Variants in MRPL48 observed in about 807,000 individuals in gnomAD.
MRPL48 encodes mitochondrial ribosomal protein L48.
Under a neutral mutation model 32.9 loss-of-function variants are expected in MRPL48, and 16 were observed. The ratio of observed to expected loss-of-function variants is 0.49; its 90% CI spans 0.33 to 0.74. The LOEUF (loss-of-function observed/expected upper bound fraction) is 0.74. MRPL48 is among the 30% of genes least tolerant of loss of function. The pLI is 0.02. For synonymous variants in MRPL48, 94 were observed against 89.2 expected (o/e 1.05, Z -0.31); for missense variants, 206 against 245.3 (o/e 0.84, Z 1.07).
chr11:73,817,292 A>G (rs940799064), intron 3 of MRPL48, among the ~76,000 whole-genome samples: 2 of 152,194 alleles, frequency 1.3e-5, no homozygotes, highest in African/African-American at 2.4e-5. Flanking sequence ...AGATTTTGCA[A>G]TGGAAACAAC....
chr11:73,830,764 C>G (rs1426043572), intron 4 of MRPL48, among the ~76,000 whole-genome samples: 1 of 151,882 alleles, frequency 6.6e-6, no homozygotes, highest in Non-Finnish European at 1.5e-5. Flanking sequence ...CACACTCAGT[C>G]TTATGACTTA....
intron 2 of MRPL48, among the ~76,000 whole-genome samples, chr11:73,807,567 A>G (rs1043638927): frequency 6.6e-6 from 1 of 152,098 alleles, no homozygotes; most frequent in African/African-American, 2.4e-5. Context: ...TCATTTTGCA[A>G]AAGAGGAAAC....
intron 4 of MRPL48, among the ~76,000 whole-genome samples, chr11:73,838,311 T>C (rs1183908917): frequency 1.3e-5 from 2 of 152,222 alleles, no homozygotes; most frequent in Non-Finnish European, 2.9e-5. Context: ...CTGGCTATGC[T>C]GTGCCCTGGC....
chr11:73,811,763 C>T (rs1000948574), intron 3 of MRPL48, among the ~76,000 whole-genome samples: 2 of 152,078 alleles, frequency 1.3e-5, no homozygotes, highest in African/African-American at 4.8e-5. Flanking sequence ...AAAAACTGCA[C>T]TTTTGCACCA....
chr11:73,794,969 A>C (rs1043546160), intron 1 of MRPL48, among the ~76,000 whole-genome samples: 7 of 148,600 alleles, frequency 4.7e-5, no homozygotes, highest in Non-Finnish European at 7.4e-5. Flanking sequence ...GGAGTGCAAT[A>C]GTGTGACCTC....
intron 5 of MRPL48, among the ~76,000 whole-genome samples, chr11:73,854,994 A>G (rs1948461676): frequency 6.6e-6 from 1 of 152,178 alleles, no homozygotes; most frequent in Non-Finnish European, 1.5e-5. Flanking sequence ...TGGGGTTACT[A>G]AAAGCACCTA....
intron 2 of MRPL48, among the ~76,000 whole-genome samples, chr11:73,805,655 CTTTT>C (rs147763203): frequency 7.6e-6 from 1 of 132,294 alleles, no homozygotes; most frequent in Non-Finnish European, 1.6e-5. Flanking sequence ...TAAACAGAAC[CTTTT>C]TTTTTTTTTT....
Position 73,830,988 on chromosome 11 carries a change from C to T in MRPL48, c.201+5192C>T, listed in dbSNP as rs151189020. ...CTGAGTAGCTGGGATTACAGGCATG[C>T]GCTACCATGCCCAGGTAATTTTTGT... On this transcript the variant is annotated intron_variant, in intron 4 of 7. Transcript: ENST00000310614. Among the ~76,000 whole-genome samples the T allele has an allele frequency of 6.0e-3, 908 of 151,916 alleles. 12 individuals are homozygous for T. The highest frequency in any genetic ancestry group is 0.021 in the African/African-American group (866 of 41,422).
chr11:73,859,821 T>C (rs1313974485), intron 5 of MRPL48, 86 bp from the exon 6 acceptor site: 5 of 1,099,470 alleles, frequency 4.5e-6, no homozygotes, highest in African/African-American at 3.1e-5. Context: ...TTGCATGCCA[T>C]AGTGGCTATA....
chr11:73,794,224 CTAT>C lies in MRPL48; in HGVS notation c.21+6233_21+6235del, dbSNP rs533062459. ...TCTATCTATCTATCTATCTATCTAT[CTAT>C]CTAAACTATCTGTCTCTGAATAAAT... is the stretch of plus-strand genomic sequence containing the variant. On this transcript the variant is annotated intron_variant, in intron 1 of 7. Coordinates refer to ENST00000310614, the MANE Select transcript of MRPL48 (RefSeq NM_016055.6). Among the ~76,000 whole-genome samples, 859 of 150,264 alleles carry C rather than the reference CTAT, an allele frequency of 5.7e-3. 7 individuals carry two copies. The highest frequency in any genetic ancestry group is 0.021 in the Middle Eastern group (6 of 292).
intron 5 of MRPL48, among the ~76,000 whole-genome samples, chr11:73,852,516 A>G (rs1948417486): frequency 6.6e-6 from 1 of 152,120 alleles, no homozygotes; most frequent in Non-Finnish European, 1.5e-5. Context: ...GCTCAACATC[A>G]CTGATCGTCA....
intron 5 of MRPL48, among the ~76,000 whole-genome samples, chr11:73,854,322 C>T (rs529282956): frequency 2.6e-5 from 4 of 151,926 alleles, no homozygotes; most frequent in Non-Finnish European, 5.9e-5. Flanking sequence ...CTTGCTCTGT[C>T]GCCCAGGCTG....
intron 4 of MRPL48, among the ~76,000 whole-genome samples, chr11:73,828,747 T>C (rs1186444781): frequency 6.7e-6 from 1 of 149,860 alleles, no homozygotes; most frequent in African/African-American, 2.5e-5. Flanking sequence ...TTTTGAGACA[T>C]CCCCCTTCTT....
chr11:73,808,236 G>C, intron 2 of MRPL48, 77 bp from the exon 3 acceptor site: 1 of 1,367,468 alleles, frequency 7.3e-7, no homozygotes. Flanking sequence ...TTTAGTGATA[G>C]AATATAAATT....
At chr11:73,860,135 C>G in intron 6 of MRPL48, 126 bp downstream of exon 6, 2 of 720,516 alleles carry the variant, frequency 2.8e-6, no homozygotes, top group Non-Finnish European at 4.5e-6. Context: ...AGGTTCAGTT[C>G]TTGATGCCTC....
rs549066783 is a variant in MRPL48 at position 73,836,714 on chromosome 11, A to T, written c.202-8093A>T. On this transcript the variant is annotated intron_variant, in intron 4 of 7. Coordinates refer to ENST00000310614, the MANE Select transcript of MRPL48 (RefSeq NM_016055.6). ...GAAGTTTTCAGAGCCGATATTTGGA[A>T]TGAGGATGGCCAGAATTCATCTAAC... Among the ~76,000 whole-genome samples, 11 of 152,320 alleles carry T rather than the reference A, an allele frequency of 7.2e-5. 1 individual carries two copies. Among genetic ancestry groups the T allele is most frequent in the Admixed American group, 7.2e-4 (11 of 15,286 alleles).
intron 2 of MRPL48, among the ~76,000 whole-genome samples, chr11:73,808,103 A>G (rs1348306501): frequency 6.6e-6 from 1 of 152,164 alleles, no homozygotes; most frequent in Admixed American, 6.6e-5. Context: ...TAGACCATGG[A>G]TAGAGACATC....
intron 4 of MRPL48, among the ~76,000 whole-genome samples, chr11:73,829,093 C>T (rs1035340807): frequency 1.3e-5 from 2 of 152,116 alleles, no homozygotes; most frequent in African/African-American, 2.4e-5. Flanking sequence ...GCCGTCTGTC[C>T]CCACCTTCCT....
At chr11:73,822,289 A>G (rs1221632109) in intron 3 of MRPL48, among the ~76,000 whole-genome samples, 1 of 151,886 alleles carries the variant, frequency 6.6e-6, no homozygotes, top group Non-Finnish European at 1.5e-5. Context: ...TGCACCCTGC[A>G]CCCCCACCCC....
Sources: allele counts gnomAD v4.1 joint callset (sites outside exome capture counted in the v4.1 genomes callset), GRCh38; gene constraint gnomAD v4.1.1; transcripts MANE v1.5; gene names NCBI Gene and HGNC (gene_info 2026-07-23, HGNC 2026-07-21).